The following PAK5 variants were observed in gnomAD, a reference collection of about 807,000 sequenced individuals.
PAK5 encodes the protein p21 (RAC1) activated kinase 5.
In PAK5, 16 loss-of-function variants were observed where a neutral mutation model predicts 65.9. That is an observed-to-expected ratio of 0.24 (90% CI 0.16 to 0.37). The LOEUF (loss-of-function observed/expected upper bound fraction) is 0.37, where lower values mean the gene tolerates loss of function less well. PAK5 is among the 10% of genes least tolerant of loss of function. PAK5 has a pLI of 1.00. For missense variants in PAK5, 785 were observed against 903.9 expected (o/e 0.87, Z 1.69); for synonymous variants, 371 against 354.9 (o/e 1.05, Z -0.51).
chr20:9,671,914 A>C (rs1235196638), intron 2 of PAK5, among the ~76,000 whole-genome samples: 2 of 152,092 alleles, frequency 1.3e-5, no homozygotes, highest in Non-Finnish European at 2.9e-5. Flanking sequence ...CTGACTTTAA[A>C]ATAGGCCCTG....
At position 9,539,488 on chromosome 20, in the gene PAK5, G is replaced by A. The variant is rs202003893; in HGVS notation, c.2134C>T (p.Leu712Phe). 53 of 1,613,906 alleles carry A rather than the reference G, an allele frequency of 3.3e-5. No homozygotes were observed. The highest frequency in any genetic ancestry group is 4.3e-5 in the Non-Finnish European group (51 of 1,179,938). The change falls in exon 10 of 10, where the codon CTC becomes TTC. Residue 712 changes from leucine (L) to phenylalanine (F), a missense_variant. Coordinates refer to ENST00000353224, the MANE Select transcript of PAK5 (RefSeq NM_177990.4). ...LAGPPSCIVP[L>F]MRQYRHH The stretch of plus-strand genomic sequence containing the variant: ...CAGTGATGCCTGTATTGTCTCATGA[G>A]GGGGACGATGCAAGACGGTGGACCT...
At chr20:9,791,291 A>G (rs1195720535) in intron 1 of PAK5, among the ~76,000 whole-genome samples, 1 of 152,102 alleles carries the variant, frequency 6.6e-6, no homozygotes, top group Non-Finnish European at 1.5e-5. Context: ...ATGTCTGTCT[A>G]CAATTGAACT....
In PAK5 at chr20:9,704,336, C is replaced by T. The variant is rs548138373; in HGVS notation, c.-12+6950G>A. On this transcript the variant is annotated intron_variant, in intron 2 of 9. Transcript: ENST00000353224. ...CATCCTCAGCTTAACATTTTCTTTC[C>T]GCAGGTCAAAAGTAGCCATCTACTT... 9.9e-5 allele frequency among the ~76,000 whole-genome samples: 15 copies of T among 152,172 alleles called. No homozygotes were observed. In the South Asian group the frequency reaches 2.3e-3, roughly 23 times the overall value.
At chr20:9,679,269 T>C (rs1459880013) in intron 2 of PAK5, among the ~76,000 whole-genome samples, 1 of 152,246 alleles carries the variant, frequency 6.6e-6, no homozygotes, top group African/African-American at 2.4e-5. Context: ...TTGACTCTGA[T>C]ATCAGTAAGA....
intron 2 of PAK5, among the ~76,000 whole-genome samples, chr20:9,707,753 G>T (rs1490512238): frequency 6.6e-6 from 1 of 152,122 alleles, no homozygotes; most frequent in Non-Finnish European, 1.5e-5. Flanking sequence ...TAGCCTGCTG[G>T]AGAAGTGAGT....
intron 2 of PAK5, among the ~76,000 whole-genome samples, chr20:9,706,937 T>C (rs1273507250): frequency 2.0e-5 from 3 of 152,162 alleles, no homozygotes; most frequent in Non-Finnish European, 4.4e-5. Context: ...TGTCACTTTT[T>C]CATAAACATA....
Position 9,787,553 on chromosome 20 carries a change from C to T in PAK5, c.-162+51209G>A, listed in dbSNP as rs563321428. Among the ~76,000 whole-genome samples the T allele has an allele frequency of 3.2e-4, 48 of 152,142 alleles. 1 individual carries two copies. In the South Asian group the frequency reaches 8.7e-3, roughly 28 times the overall value. ...TGGTCTCTTGGGTAAGTTAAACTCTCTAAGCCTCAGTTTTTCATCTATAAA... is the reference window on the plus strand; with the variant it reads ...TGGTCTCTTGGGTAAGTTAAACTCTTTAAGCCTCAGTTTTTCATCTATAAA... On this transcript the variant is annotated intron_variant, in intron 1 of 9. Coordinates refer to ENST00000353224, the MANE Select transcript of PAK5 (RefSeq NM_177990.4).
intron 3 of PAK5, 71 bp from the exon 4 acceptor site, chr20:9,581,001 C>A: frequency 7.2e-6 from 8 of 1,108,650 alleles, no homozygotes; most frequent in East Asian, 2.4e-5. Flanking sequence ...GGCATCCCAC[C>A]CCCACTCCAT....
At chr20:9,754,751 C>T (rs924969484) in intron 1 of PAK5, among the ~76,000 whole-genome samples, 1 of 152,146 alleles carries the variant, frequency 6.6e-6, no homozygotes, top group Non-Finnish European at 1.5e-5. Flanking sequence ...TAAGTTCCTC[C>T]CAAAGTTAGG....
chr20:9,774,667 A>G (rs575166977), intron 1 of PAK5, among the ~76,000 whole-genome samples: 1 of 152,306 alleles, frequency 6.6e-6, no homozygotes, highest in East Asian at 1.9e-4. Context: ...ACTACTCAGC[A>G]AAGCAAAAAA....
chr20:9,637,939 G>A (rs2047002604), intron 3 of PAK5, among the ~76,000 whole-genome samples: 2 of 152,142 alleles, frequency 1.3e-5, no homozygotes, highest in Non-Finnish European at 2.9e-5. Flanking sequence ...AAAGGGAAAG[G>A]GTGATCATTA....
intron 3 of PAK5, among the ~76,000 whole-genome samples, chr20:9,613,703 C>A (rs1306754869): frequency 6.6e-6 from 1 of 152,166 alleles, no homozygotes; most frequent in Non-Finnish European, 1.5e-5. Context: ...GCCTAATGGA[C>A]CTGGAGGAAA....
intron 2 of PAK5, among the ~76,000 whole-genome samples, chr20:9,695,250 G>A (rs1195314195): frequency 6.6e-6 from 1 of 151,898 alleles, no homozygotes; most frequent in Non-Finnish European, 1.5e-5. Context: ...CTCATTTGAT[G>A]GAGTTCTTTA....
chr20:9,539,658 A>G (rs1483559703), intron 9 of PAK5, 41 bp from the exon 10 acceptor site: 2 of 1,569,330 alleles, frequency 1.3e-6, no homozygotes, highest in Non-Finnish European at 8.8e-7. Context: ...ACTAACACAG[A>G]CACCTAACCC....
intron 2 of PAK5, among the ~76,000 whole-genome samples, chr20:9,679,132 C>T (rs1160517623): frequency 6.6e-6 from 1 of 152,198 alleles, no homozygotes; most frequent in African/African-American, 2.4e-5. Flanking sequence ...TGGTCCACTT[C>T]CACTTAATGA....
intron 1 of PAK5, among the ~76,000 whole-genome samples, chr20:9,780,156 T>C (rs1350453632): frequency 5.9e-5 from 9 of 152,100 alleles, no homozygotes; most frequent in Admixed American, 3.9e-4. Context: ...GAGCTTTTAT[T>C]AGCATGGGGC....
intron 3 of PAK5, among the ~76,000 whole-genome samples, chr20:9,628,610 A>C (rs1407322301): frequency 6.6e-6 from 1 of 152,198 alleles, no homozygotes; most frequent in African/African-American, 2.4e-5. Context: ...GAAGGTGAAG[A>C]CCAAATACTG....
chr20:9,833,585 TACCACC>T (rs1978909659), intron 1 of PAK5, among the ~76,000 whole-genome samples: 1 of 151,846 alleles, frequency 6.6e-6, no homozygotes. Flanking sequence ...CCTCCCATCT[TACCACC>T]ACCACTCACC....
At chr20:9,653,585 C>T (rs149364674) in intron 2 of PAK5, among the ~76,000 whole-genome samples, 170 of 152,322 alleles carry the variant, frequency 1.1e-3, no homozygotes, top group Middle Eastern at 3.4e-3. Context: ...TTCTCTTCTG[C>T]ATCATCCTGC....
Sources: allele counts gnomAD v4.1 joint callset (sites outside exome capture counted in the v4.1 genomes callset), GRCh38; gene constraint gnomAD v4.1.1; transcripts MANE v1.5; gene names NCBI Gene and HGNC (gene_info 2026-07-23, HGNC 2026-07-21).